Variants in FNDC3A observed in about 807,000 individuals in gnomAD.
FNDC3A encodes fibronectin type III domain containing 3A.
Under a neutral mutation model 148.9 loss-of-function variants are expected in FNDC3A, and 32 were observed. That is an observed-to-expected ratio of 0.21 (90% CI 0.16 to 0.29). The LOEUF (loss-of-function observed/expected upper bound fraction) is 0.29. FNDC3A is among the 10% of genes least tolerant of loss of function. The pLI, the probability that FNDC3A is intolerant of heterozygous loss-of-function variation, is 1.00. For synonymous variants in FNDC3A, 472 were observed against 473.6 expected (o/e 1.00, Z 0.04); for missense variants, 1,191 against 1,452.8 (o/e 0.82, Z 2.93).
At chr13:49,147,576 AC>A (rs1883065465) in intron 8 of FNDC3A, among the ~76,000 whole-genome samples, 2 of 151,844 alleles carry the variant, frequency 1.3e-5, no homozygotes, top group African/African-American at 2.4e-5. Context: ...GCGGCTACAT[AC>A]CCAAATAATA....
chr13:48,990,245 A>G (rs1951887978), intron 1 of FNDC3A, among the ~76,000 whole-genome samples: 1 of 152,090 alleles, frequency 6.6e-6, no homozygotes, highest in South Asian at 2.1e-4. Context: ...GATTTCAAAT[A>G]TACAAAAGCT....
intron 2 of FNDC3A, among the ~76,000 whole-genome samples, chr13:49,040,969 G>A (rs1014756792): frequency 3.9e-5 from 6 of 152,086 alleles, no homozygotes; most frequent in South Asian, 2.1e-4. Context: ...TCTTCCCTCC[G>A]CTCATCATAT....
At chr13:49,186,364 G>A (rs1388791799) in intron 15 of FNDC3A, among the ~76,000 whole-genome samples, 1 of 152,144 alleles carries the variant, frequency 6.6e-6, no homozygotes, top group Non-Finnish European at 1.5e-5. Flanking sequence ...AAGGATTACT[G>A]AACTTGCAGC....
intron 3 of FNDC3A, among the ~76,000 whole-genome samples, chr13:49,090,443 C>G (rs1458987393): frequency 2.6e-5 from 4 of 152,066 alleles, no homozygotes; most frequent in Admixed American, 6.5e-5. Context: ...AAAACAAACA[C>G]ATCCAGGAGA....
At chr13:48,986,386 T>TTTTTTTTTTTG (rs1951796693) in intron 1 of FNDC3A, among the ~76,000 whole-genome samples, 2 of 15,234 alleles carry the variant, frequency 1.3e-4, no homozygotes, top group Admixed American at 1.9e-3. Flanking sequence ...AAGGAAGTTG[T>TTTTTTTTTTTG]TTTTTTTTTT....
At chr13:48,987,203 C>T (rs1003876685) in intron 1 of FNDC3A, among the ~76,000 whole-genome samples, 1 of 152,164 alleles carries the variant, frequency 6.6e-6, no homozygotes, top group Non-Finnish European at 1.5e-5. Context: ...CCTTTTGGCT[C>T]TAAAGGGTAG....
At chr13:49,073,520 C>T (rs546617297) in intron 2 of FNDC3A, among the ~76,000 whole-genome samples, 1 of 151,828 alleles carries the variant, frequency 6.6e-6, no homozygotes, top group East Asian at 1.9e-4. Flanking sequence ...TCTGACAGGT[C>T]ATATGACAGG....
intron 2 of FNDC3A, among the ~76,000 whole-genome samples, chr13:49,016,347 G>C (rs1259299797): frequency 1.3e-5 from 2 of 151,854 alleles, no homozygotes; most frequent in African/African-American, 4.8e-5. Flanking sequence ...TGTATGTGTC[G>C]AGGAATGTAT....
intron 19 of FNDC3A, among the ~76,000 whole-genome samples, chr13:49,194,757 T>C (rs1181771115): frequency 6.6e-6 from 1 of 152,200 alleles, no homozygotes; most frequent in Non-Finnish European, 1.5e-5. Context: ...AGTCTACTTC[T>C]TGTTTTATAC....
intron 13 of FNDC3A, among the ~76,000 whole-genome samples, chr13:49,177,835 T>C (rs763335968): frequency 1.3e-5 from 2 of 152,286 alleles, no homozygotes; most frequent in African/African-American, 2.4e-5. Flanking sequence ...TATATGGATA[T>C]AGACAAATCC....
rs377134788 is a variant in FNDC3A, at chr13:49,187,111, T to G, written c.1757-11T>G. The stretch of plus-strand genomic sequence containing the variant: ...GTACCTTGCCTAATACTACTTTGCT[T>G]CTTTGGATAGATCCACCAAAAGACA... On this transcript the variant is annotated splice_polypyrimidine_tract_variant and intron_variant, in intron 15 of 25. Transcript: ENST00000492622. 2.4e-5 allele frequency: 38 copies of G among 1,606,770 alleles called. No homozygotes were observed. The African/African-American group carries it at 4.4e-4, about 19-fold the overall frequency.
chr13:49,069,188 CA>C (rs1877478659), intron 2 of FNDC3A, among the ~76,000 whole-genome samples: 1 of 151,868 alleles, frequency 6.6e-6, no homozygotes, highest in African/African-American at 2.4e-5. Context: ...TTAGAAAAAA[CA>C]AAAAAGTAAG....
At chr13:49,142,067 G>A (rs1160224211) in intron 7 of FNDC3A, among the ~76,000 whole-genome samples, 1 of 152,096 alleles carries the variant, frequency 6.6e-6, no homozygotes, top group African/African-American at 2.4e-5. Context: ...CAAGTGATAT[G>A]GATATAAAAG....
intron 3 of FNDC3A, among the ~76,000 whole-genome samples, chr13:49,103,814 CTATT>C (rs1157079880): frequency 6.6e-6 from 1 of 152,100 alleles, no homozygotes; most frequent in East Asian, 1.9e-4. Context: ...GGCGGAGTGA[CTATT>C]GATGGAAAAA....
intron 1 of FNDC3A, among the ~76,000 whole-genome samples, chr13:48,980,563 A>G (rs1951676638): frequency 6.6e-6 from 1 of 152,156 alleles, no homozygotes; most frequent in African/African-American, 2.4e-5. Context: ...TTTACAAATA[A>G]TTAAGATTTT....
chr13:49,016,212 A>G lies in FNDC3A; in HGVS notation c.99+9923A>G, dbSNP rs1182232106. On this transcript the variant is annotated intron_variant, in intron 2 of 25. Coordinates refer to ENST00000492622, the MANE Select transcript of FNDC3A (RefSeq NM_001079673.2). ...CCTCCTTCTATCTCTGGTAGAATTC[A>G]GCTGTGAATCCATCTGGTCCTGGAC... 1.2e-3 allele frequency among the ~76,000 whole-genome samples: 175 copies of G among 151,416 alleles called. 1 individual carries two copies. The highest frequency in any genetic ancestry group is 3.7e-3 in the African/African-American group (153 of 41,148).
chr13:49,152,203 A>G (rs1469994378), intron 8 of FNDC3A, among the ~76,000 whole-genome samples: 1 of 152,226 alleles, frequency 6.6e-6, no homozygotes, highest in African/African-American at 2.4e-5. Flanking sequence ...ACAGTGTAAA[A>G]GCATTCCTGT....
At chr13:49,085,088 G>A (rs1878720631) in intron 3 of FNDC3A, among the ~76,000 whole-genome samples, 1 of 152,076 alleles carries the variant, frequency 6.6e-6, no homozygotes, top group South Asian at 2.1e-4. Context: ...CAACCAGTTA[G>A]TAACCATTTT....
intron 4 of FNDC3A, among the ~76,000 whole-genome samples, chr13:49,119,600 T>A (rs1241403813): frequency 1.3e-5 from 2 of 152,014 alleles, no homozygotes; most frequent in East Asian, 3.9e-4. Flanking sequence ...GAAAAAAGGT[T>A]ACAGGAATTG....
Sources: allele counts gnomAD v4.1 joint callset (sites outside exome capture counted in the v4.1 genomes callset), GRCh38; gene constraint gnomAD v4.1.1; transcripts MANE v1.5; gene names NCBI Gene and HGNC (gene_info 2026-07-23, HGNC 2026-07-21).